Variants in TMEM232 observed in about 807,000 individuals in gnomAD.
TMEM232 encodes the protein transmembrane protein 232.
Under a neutral mutation model 78.8 loss-of-function variants are expected in TMEM232, and 80 were observed. The ratio of observed to expected loss-of-function variants is 1.01; its 90% CI spans 0.85 to 1.22. TMEM232 has a LOEUF of 1.22. Among genes scored for constraint, TMEM232 ranks in the 50% most tolerant of loss-of-function variants. The pLI is 0.00. For synonymous variants in TMEM232, 297 were observed against 254.3 expected (o/e 1.17, Z -1.60); for missense variants, 881 against 742.2 (o/e 1.19, Z -2.17).
chr5:110,436,270 CTA>C (rs1325256170), intron 12 of TMEM232, among the ~76,000 whole-genome samples: 1 of 151,828 alleles, frequency 6.6e-6, no homozygotes, highest in South Asian at 2.1e-4. Context: ...TGAGAAATGT[CTA>C]TTGAAATATT....
chr5:110,647,930 C>A (rs983569282), intron 2 of TMEM232, among the ~76,000 whole-genome samples: 8 of 151,862 alleles, frequency 5.3e-5, no homozygotes, highest in African/African-American at 1.9e-4. Context: ...TTATACATAT[C>A]ATTATTTTAT....
chr5:110,511,392 T>G (rs989348326), intron 12 of TMEM232, among the ~76,000 whole-genome samples: 6 of 151,674 alleles, frequency 4.0e-5, no homozygotes, highest in African/African-American at 1.2e-4. Context: ...TGTATACCTA[T>G]GTAACAAACC....
chr5:110,400,405 T>C (rs923207050), intron 2 of TMEM232, among the ~76,000 whole-genome samples: 4 of 152,064 alleles, frequency 2.6e-5, no homozygotes, highest in African/African-American at 9.7e-5. Flanking sequence ...AATTATTTGC[T>C]CAAATAATGA....
At chr5:110,710,125 A>G (rs1240595287) in intron 1 of TMEM232, among the ~76,000 whole-genome samples, 1 of 152,102 alleles carries the variant, frequency 6.6e-6, no homozygotes, top group Non-Finnish European at 1.5e-5. Context: ...ATTAATGGCT[A>G]CTAGGAGCAA....
intron 1 of TMEM232, among the ~76,000 whole-genome samples, chr5:110,698,586 A>T (rs751499721): frequency 5.9e-5 from 9 of 152,034 alleles, no homozygotes; most frequent in Non-Finnish European, 1.0e-4. Flanking sequence ...GCACAAAAGC[A>T]TTGTGTTTGA....
At chr5:110,638,504 A>C in intron 4 of TMEM232, 149 bp from the exon 5 acceptor site, 4 of 763,708 alleles carry the variant, frequency 5.2e-6, no homozygotes, top group Admixed American at 3.0e-5. Context: ...CACCTTTCTC[A>C]TCAAGAGGTG....
intron 1 of TMEM232, among the ~76,000 whole-genome samples, chr5:110,714,864 T>C (rs1796864243): frequency 6.6e-6 from 1 of 152,162 alleles, no homozygotes; most frequent in East Asian, 1.9e-4. Flanking sequence ...ACCTATAAAC[T>C]AACATTATCA....
chr5:110,686,872 A>G (rs1004929415), intron 1 of TMEM232, among the ~76,000 whole-genome samples: 5 of 152,122 alleles, frequency 3.3e-5, no homozygotes, highest in African/African-American at 1.2e-4. Context: ...CTCTGTCTAA[A>G]TCTTCCTTTC....
chr5:110,652,292 G>GTGCACACACACACACA (rs1554069150), intron 2 of TMEM232, among the ~76,000 whole-genome samples: 1 of 5,010 alleles, frequency 2.0e-4, no homozygotes, highest in Non-Finnish European at 6.1e-4. Flanking sequence ...GTGCACGCGC[G>GTGCACACACACACACA]CGCACACACA....
chr5:110,684,782 CTCTT>C (rs1487290190), intron 1 of TMEM232: 1 of 152,038 alleles, frequency 6.6e-6, no homozygotes, highest in African/African-American at 2.4e-5. Flanking sequence ...ATTTATCTCT[CTCTT>C]GTTTTTTCTA....
At chr5:110,663,659 T>A (rs61041048) in intron 2 of TMEM232, among the ~76,000 whole-genome samples, 1 of 151,816 alleles carries the variant, frequency 6.6e-6, no homozygotes, top group Non-Finnish European at 1.5e-5. Flanking sequence ...TCTCCCCAAA[T>A]TGATCTGTTA....
intron 1 of TMEM232, among the ~76,000 whole-genome samples, chr5:110,684,640 G>A (rs562728426): frequency 5.7e-4 from 86 of 152,180 alleles, no homozygotes; most frequent in Middle Eastern, 3.4e-3. Context: ...TGATAAGTAT[G>A]CAACAACAAA....
intron 1 of TMEM232, among the ~76,000 whole-genome samples, chr5:110,708,540 C>T (rs1580747329): frequency 1.3e-5 from 2 of 151,904 alleles, no homozygotes; most frequent in African/African-American, 4.8e-5. Context: ...CTTTTTGAGA[C>T]ATAGACAGTA....
intron 6 of TMEM232, among the ~76,000 whole-genome samples, chr5:110,627,067 G>A (rs182895602): frequency 1.2e-4 from 18 of 152,034 alleles, no homozygotes; most frequent in African/African-American, 3.9e-4. Flanking sequence ...ACTGCTTGCT[G>A]GGTATATATA....
chr5:110,671,898 A>T (rs1459736083), intron 1 of TMEM232, among the ~76,000 whole-genome samples: 1 of 152,222 alleles, frequency 6.6e-6, no homozygotes, highest in East Asian at 1.9e-4. Context: ...ATATAATTTT[A>T]AAAAGCCCAC....
At chr5:110,444,025 T>G (rs910564441) in intron 12 of TMEM232, among the ~76,000 whole-genome samples, 1 of 152,092 alleles carries the variant, frequency 6.6e-6, no homozygotes, top group African/African-American at 2.4e-5. Context: ...TTGCTTTTGT[T>G]TGAGAGATGT....
chr5:110,535,213 C>T (rs967188372), intron 11 of TMEM232, among the ~76,000 whole-genome samples: 1 of 151,902 alleles, frequency 6.6e-6, no homozygotes, highest in Non-Finnish European at 1.5e-5. Flanking sequence ...GATGACATTC[C>T]ACCACAAAAG....
intron 11 of TMEM232, among the ~76,000 whole-genome samples, chr5:110,552,581 C>T (rs1280099726): frequency 6.6e-6 from 1 of 151,828 alleles, no homozygotes. Context: ...AGCTAATGTA[C>T]ATATACTAAT....
At chr5:110,661,304 A>C (rs79825661) in intron 2 of TMEM232, among the ~76,000 whole-genome samples, 1 of 152,074 alleles carries the variant, frequency 6.6e-6, no homozygotes, top group African/African-American at 2.4e-5. Flanking sequence ...GAGAGGACAG[A>C]TATCTCTTTT....
Sources: gnomAD v4.1 joint callset for allele counts (sites outside exome capture counted in the v4.1 genomes callset) on GRCh38, gnomAD v4.1.1 for gene constraint, MANE v1.5 for transcripts, NCBI Gene and HGNC (gene_info 2026-07-23, HGNC 2026-07-21) for gene names.